The following ZNFX1 variants were observed in gnomAD, a reference collection of about 807,000 sequenced individuals.
ZNFX1 encodes the protein NFX1-type zinc finger-containing protein 1.
A neutral mutation model predicts 179.8 loss-of-function variants in ZNFX1; 78 were observed. That is an observed-to-expected ratio of 0.43 (90% CI 0.36 to 0.52). The LOEUF (loss-of-function observed/expected upper bound fraction) is 0.52. Ranked by LOEUF, ZNFX1 falls within the 20% of genes least tolerant of loss-of-function variation. ZNFX1 has a pLI of 0.00. For synonymous variants in ZNFX1, 848 were observed against 868.5 expected (o/e 0.98, Z 0.42); for missense variants, 1,927 against 2,386.6 (o/e 0.81, Z 4.01).
At position 49,271,591 on chromosome 20, in the gene ZNFX1, C is replaced by T. The variant is rs778990125; in HGVS notation, c.221G>A (p.Gly74Asp). 1.9e-6 allele frequency: 3 copies of T among 1,614,180 alleles called. No individual in the cohort carries two copies. The highest frequency in any genetic ancestry group is 2.5e-6 in the Non-Finnish European group (3 of 1,180,042). ...CCTCCTTCCTTGATGTGGGTTCCTG[C>T]CCATGGCCCTAAATCTCTCTTCCCT... is the stretch of plus-strand genomic sequence containing the variant. ...WQREERFRAMGRNPHQGRRNQ... is the reference protein window; with the variant it reads ...WQREERFRAMDRNPHQGRRNQ... Residue 74 changes from glycine to aspartate, a missense_variant, in exon 3 of 14, where the codon GGC (glycine) becomes GAC (aspartate). Coordinates refer to ENST00000396105, the MANE Select transcript of ZNFX1 (RefSeq NM_021035.3).
At chr20:49,251,504 A>C in intron 13 of ZNFX1, 23 bp downstream of exon 13, 2 of 1,599,668 alleles carry the variant, frequency 1.3e-6, no homozygotes, top group Non-Finnish European at 1.7e-6. Flanking sequence ...CCATCCAAGA[A>C]AGATCGGGTA....
chr20:49,276,308 A>G (rs1157111615), intron 1 of ZNFX1, among the ~76,000 whole-genome samples: 1 of 152,238 alleles, frequency 6.6e-6, no homozygotes, highest in African/African-American at 2.4e-5. Context: ...CCATGTGCTC[A>G]CCACCTTATC....
Position 49,248,561 on chromosome 20 carries a change from C to T in ZNFX1, c.4463G>A (p.Arg1488Gln), listed in dbSNP as rs111396903. 19 of 1,614,194 alleles carry T rather than the reference C, an allele frequency of 1.2e-5. No individual in the cohort carries two copies. Among genetic ancestry groups the T allele is most frequent in the Middle Eastern group, 1.6e-4 (1 of 6,062 alleles). Residue 1488 changes from arginine (R) to glutamine (Q), a missense_variant, in exon 14 of 14, where the codon CGG (arginine) becomes CAG (glutamine). By Grantham distance (43) the Arg-to-Gln change is conservative. Transcript: ENST00000396105. The surrounding 1 kb of genome is among the most constrained non-coding windows in gnomAD (Gnocchi z 4.6). The stretch of plus-strand genomic sequence containing the variant: ...GTGGACACAGCGGTTCTGACAGGTC[C>T]GCTGGCAGGGTGGGCACTCACCAAT... The part of the protein sequence containing the change: ...PCIGECPPCQ[R>Q]TCQNRCVHSQ...
At chr20:49,260,289 C>CAAA (rs11396262) in intron 7 of ZNFX1, among the ~76,000 whole-genome samples, 174 bp downstream of exon 7, 5 of 116,660 alleles carry the variant, frequency 4.3e-5, no homozygotes, top group Admixed American at 1.8e-4. Context: ...AACTCCATCT[C>CAAA]AAAAAAAAAA....
chr20:49,246,995 A>C lies in ZNFX1; in HGVS notation c.*272T>G. ...GCGATTCTTCTGCCTCAGCCTCCCA[A>C]GTAGCTGGGATTACAGGCGCCCGCC... On this transcript the variant is annotated 3_prime_UTR_variant, in exon 14 of 14. Coordinates refer to ENST00000396105, the MANE Select transcript of ZNFX1 (RefSeq NM_021035.3). 2.3e-6 allele frequency: 1 copy of C among 439,814 alleles called. No homozygotes were observed. Among genetic ancestry groups the C allele is most frequent in the Non-Finnish European group, 4.2e-6 (1 of 236,170 alleles). The allele number at this position is 439,814 out of a possible 1,614,324, so 27.2% of individuals were successfully genotyped here.
rs769684852 is a variant in ZNFX1, at chr20:49,271,613, C to T, written c.199G>A (p.Glu67Lys). The T allele has an allele frequency of 3.1e-6, 5 of 1,614,030 alleles. No individual in the cohort carries two copies. Among genetic ancestry groups the T allele is most frequent in the African/African-American group, 1.3e-5 (1 of 74,912 alleles). ...CTGCCCATGGCCCTAAATCTCTCTT[C>T]CCTCTGCCAGTAAGCAGCAGGATGG... Reference protein sequence around the residue: ...NNHPAAYWQREERFRAMGRNP... With the variant: ...NNHPAAYWQRKERFRAMGRNP... The change falls in exon 3 of 14, where the codon GAA becomes AAA. Residue 67 changes from glutamate (E) to lysine (K), a missense_variant. Glu to Lys is a moderately conservative substitution (Grantham distance 56). Coordinates refer to ENST00000396105, the MANE Select transcript of ZNFX1 (RefSeq NM_021035.3).
Position 49,248,448 on chromosome 20 carries a change from G to T in ZNFX1, c.4576C>A (p.Leu1526Ile), listed in dbSNP as rs148563096. 130 of 1,610,454 alleles carry T rather than the reference G, an allele frequency of 8.1e-5. No individual in the cohort carries two copies. The highest frequency in any genetic ancestry group is 1.6e-4 in the Middle Eastern group (1 of 6,064). The change falls in exon 14 of 14, where the codon CTC becomes ATC. Residue 1526 changes from leucine (L) to isoleucine (I), a missense_variant. Leu to Ile is a conservative substitution (Grantham distance 5). Transcript: ENST00000396105. The surrounding 1 kb of genome is among the most constrained non-coding windows in gnomAD (Gnocchi z 4.6). ...GGTCGGTTGCAGGGCTCAGAGCAGA[G>T]TTTGGTGCACTGGTAGTGCTGGCAG... is the stretch of plus-strand genomic sequence containing the variant. ...WRCQHYQCTKLCSEPCNRPPC... is the reference protein window; with the variant it reads ...WRCQHYQCTKICSEPCNRPPC...
intron 8 of ZNFX1, 136 bp downstream of exon 8, chr20:49,257,281 C>T: frequency 7.9e-7 from 1 of 1,272,752 alleles, no homozygotes; most frequent in African/African-American, 1.5e-5. Flanking sequence ...CTAAAGCCAT[C>T]TCATACCAGG....
At chr20:49,268,261 T>G (rs907993195) in intron 3 of ZNFX1, among the ~76,000 whole-genome samples, 1 of 152,196 alleles carries the variant, frequency 6.6e-6, no homozygotes, top group Non-Finnish European at 1.5e-5. Flanking sequence ...AGTAAAATGT[T>G]GCTTCACACA....
At position 49,247,198 on chromosome 20, in the gene ZNFX1, G is replaced by T. The variant is rs1424904935; in HGVS notation, c.*69C>A. Reference sequence around the variant, plus strand: ...GGATGATAATAAAAAACAAACTTCAGTTCCTTCATTAGGGAGCTGGCCCCA... The same window carrying T: ...GGATGATAATAAAAAACAAACTTCATTTCCTTCATTAGGGAGCTGGCCCCA... On this transcript the variant is annotated 3_prime_UTR_variant, in exon 14 of 14. Coordinates refer to ENST00000396105, the MANE Select transcript of ZNFX1 (RefSeq NM_021035.3). The T allele has an allele frequency of 1.2e-5, 19 of 1,525,996 alleles. No individual in the cohort carries two copies. The highest frequency in any genetic ancestry group is 1.3e-5 in the Non-Finnish European group (15 of 1,137,850). The allele number at this position is 1,525,996 out of a possible 1,614,324, so 94.5% of individuals were successfully genotyped here. A position where few individuals can be genotyped will look rare whatever the true frequency, so the allele number is the denominator to read the frequency against.
chr20:49,261,739 A>G (rs1981117624), intron 6 of ZNFX1, among the ~76,000 whole-genome samples: 1 of 150,296 alleles, frequency 6.7e-6, no homozygotes, highest in Non-Finnish European at 1.5e-5. Flanking sequence ...TCTGCCTCCC[A>G]GGTTCACACC....
Position 49,257,495 on chromosome 20 carries a change from T to C in ZNFX1, c.2586A>G (p.Lys862=). The part of the protein sequence containing the change: ...EESGADQELA[K]MLLAMRLDHC... ...GGTCTAGCCTCATGGCCAGAAGCATTTTAGCCAACTCCTGGTCTGCTCCAC... is the reference window on the plus strand; with the variant it reads ...GGTCTAGCCTCATGGCCAGAAGCATCTTAGCCAACTCCTGGTCTGCTCCAC... Residue 862 remains lysine, a synonymous_variant, in exon 8 of 14, where the codon AAA becomes AAG. Coordinates refer to ENST00000396105, the MANE Select transcript of ZNFX1 (RefSeq NM_021035.3). 1 of 1,613,960 alleles carries C rather than the reference T, an allele frequency of 6.2e-7. No homozygotes were observed. The highest frequency in any genetic ancestry group is 8.5e-7 in the Non-Finnish European group (1 of 1,179,974).
chr20:49,246,823 T>TG lies in ZNFX1; in HGVS notation c.*443dup, dbSNP rs1457055738. On this transcript the variant is annotated 3_prime_UTR_variant, in exon 14 of 14. Transcript: ENST00000396105. ...GGGTAAATCTAGAAACAAATGTGGG[T>TG]GAGCCCTAAAAGTGGATCCTTAAGT... 1 of 455,572 alleles carries TG rather than the reference T, an allele frequency of 2.2e-6. No individual in the cohort carries two copies. Among genetic ancestry groups the TG allele is most frequent in the Admixed American group, 2.4e-5 (1 of 42,234 alleles). 28.2% of individuals were successfully genotyped at this position (455,572 alleles called of 1,614,324 possible).
At chr20:49,274,009 G>T (rs2146744251) in intron 2 of ZNFX1, among the ~76,000 whole-genome samples, 1 of 152,320 alleles carries the variant, frequency 6.6e-6, no homozygotes, top group Middle Eastern at 3.4e-3. Context: ...AAACTCTTTG[G>T]AAGACACATT....
rs1448795572 is a variant in ZNFX1 at position 49,253,322 on chromosome 20, T to TA, written c.3105+343dup. ...TGATATTATCTATCTACCTTTTTTT[T>TA]AAAAAAATTCACTTTGGCTCCTTTA... On this transcript the variant is annotated intron_variant, in intron 11 of 13. Coordinates refer to ENST00000396105, the MANE Select transcript of ZNFX1 (RefSeq NM_021035.3). 4.9e-3 allele frequency among the ~76,000 whole-genome samples: 745 copies of TA among 151,796 alleles called. 4 individuals are homozygous for TA. The highest frequency in any genetic ancestry group is 9.0e-3 in the Non-Finnish European group (611 of 67,922).
chr20:49,252,791 A>C lies in ZNFX1; in HGVS notation c.3145T>G (p.Phe1049Val), dbSNP rs777367873. 3.7e-6 allele frequency: 6 copies of C among 1,614,108 alleles called. No individual in the cohort carries two copies. The highest frequency in any genetic ancestry group is 5.1e-6 in the Non-Finnish European group (6 of 1,180,008). ...TCAAAAAGGGACACCTCAAGGTTGAAGTTCTTGGCCAGATCATACACGTTG... is the reference window on the plus strand; with the variant it reads ...TCAAAAAGGGACACCTCAAGGTTGACGTTCTTGGCCAGATCATACACGTTG... ...SANVYDLAKN[F>V]NLEVSLFERL... is the part of the protein sequence containing the mutation. Residue 1049 changes from phenylalanine (F) to valine (V), a missense_variant, in exon 12 of 14, where the codon TTC becomes GTC. Transcript: ENST00000396105.
intron 5 of ZNFX1, 84 bp downstream of exon 5, chr20:49,264,632 C>G: frequency 1.3e-6 from 2 of 1,543,878 alleles, no homozygotes; most frequent in Non-Finnish European, 1.8e-6. Context: ...CCAAATCTAC[C>G]CTGGGCTGCC....
At chr20:49,275,927 T>C in intron 1 of ZNFX1, 40 bp from the exon 2 acceptor site, 1 of 1,425,808 alleles carries the variant, frequency 7.0e-7, no homozygotes, top group Non-Finnish European at 9.9e-7. Flanking sequence ...AAACATAGCA[T>C]CTAGCAGCAA....
chr20:49,275,763 AG>A lies in ZNFX1; in HGVS notation c.61+15del. 6.2e-7 allele frequency: 1 copy of A among 1,613,668 alleles called. No homozygotes were observed. On this transcript the variant is annotated intron_variant, in intron 2 of 13. Transcript: ENST00000396105. ...TACTAGAATTTCCTTCTCATTAGGT[AG>A]GAAACCTTGCTTACCTCTGTGGTTG... is the stretch of plus-strand genomic sequence containing the variant.
Sources: allele counts gnomAD v4.1 joint callset (sites outside exome capture counted in the v4.1 genomes callset), GRCh38; gene constraint gnomAD v4.1.1; non-coding constraint Gnocchi (gnomAD v3.1); transcripts MANE v1.5; gene names NCBI Gene and HGNC (gene_info 2026-07-23, HGNC 2026-07-21).